The following MROH9 variants were observed in gnomAD, a reference collection of about 807,000 sequenced individuals.
MROH9 encodes maestro heat like repeat family member 9.
MROH9 carries 92 observed loss-of-function variants against 98.2 expected under a neutral mutation model. The ratio of observed to expected loss-of-function variants is 0.94; its 90% CI spans 0.79 to 1.11. The LOEUF is 1.11. Ranked by LOEUF, MROH9 falls within the 50% of genes most tolerant of loss-of-function variation. MROH9 has a pLI of 0.00. For synonymous variants in MROH9, 397 were observed against 368.9 expected, an observed-to-expected ratio of 1.08 and a Z score of -0.87; for missense variants, 1,057 against 1,014.8, an observed-to-expected ratio of 1.04 and a Z score of -0.57.
chr1:170,937,688 A>C (rs140114773), intron 1 of MROH9, among the ~76,000 whole-genome samples: 14 of 150,602 alleles, frequency 9.3e-5, no homozygotes, highest in African/African-American at 3.4e-4. Flanking sequence ...CGCCCGGCTA[A>C]TTTTTTTTGT....
chr1:171,032,646 G>C (rs918382215), intron 20 of MROH9, among the ~76,000 whole-genome samples: 2 of 152,160 alleles, frequency 1.3e-5, no homozygotes, highest in African/African-American at 4.8e-5. Flanking sequence ...ATGGGTGCCT[G>C]CTCCTTCCTC....
intron 1 of MROH9, among the ~76,000 whole-genome samples, chr1:170,941,255 C>T (rs1166823729): frequency 6.6e-6 from 1 of 152,116 alleles, no homozygotes; most frequent in Non-Finnish European, 1.5e-5. Context: ...CCCTTTGTGG[C>T]AGACTGGAAG....
chr1:170,959,999 A>C (rs1348367704), intron 5 of MROH9, among the ~76,000 whole-genome samples: 1 of 152,190 alleles, frequency 6.6e-6, no homozygotes, highest in Non-Finnish European at 1.5e-5. Context: ...CTAGAGAAGA[A>C]ATTCATGGCA....
intron 20 of MROH9, among the ~76,000 whole-genome samples, chr1:171,040,284 A>G (rs1240792844): frequency 6.6e-6 from 1 of 152,160 alleles, no homozygotes; most frequent in Non-Finnish European, 1.5e-5. Flanking sequence ...AGATAAATCT[A>G]GAGAGCTAAT....
At chr1:170,950,056 T>C (rs1382805940) in intron 3 of MROH9, among the ~76,000 whole-genome samples, 1 of 152,060 alleles carries the variant, frequency 6.6e-6, no homozygotes, top group East Asian at 1.9e-4. Context: ...GGGTAAGTAC[T>C]ACCTTGAAAA....
At chr1:170,945,775 T>C (rs372855101) in intron 2 of MROH9, among the ~76,000 whole-genome samples, 194 bp downstream of exon 2, 12 of 152,048 alleles carry the variant, frequency 7.9e-5, no homozygotes, top group African/African-American at 2.2e-4. Flanking sequence ...TCTGTATAAA[T>C]TCCAGAAAGT....
At chr1:170,971,092 C>T (rs1019168052) in intron 7 of MROH9, among the ~76,000 whole-genome samples, 4 of 152,154 alleles carry the variant, frequency 2.6e-5, no homozygotes, top group African/African-American at 9.7e-5. Flanking sequence ...TTTTCTCTCT[C>T]TACTCCCTTC....
intron 20 of MROH9, among the ~76,000 whole-genome samples, chr1:171,049,114 A>AG: frequency 6.6e-6 from 1 of 152,090 alleles, no homozygotes; most frequent in South Asian, 2.1e-4. Context: ...GTCTGGGGTT[A>AG]GGGGAGGACT....
At chr1:171,004,624 G>T (rs1385772835) in intron 15 of MROH9, among the ~76,000 whole-genome samples, 1 of 152,150 alleles carries the variant, frequency 6.6e-6, no homozygotes, top group African/African-American at 2.4e-5. Context: ...GGGTCCTGCA[G>T]GAGCTTCCAC....
chr1:171,048,558 G>T (rs891550760), intron 20 of MROH9, among the ~76,000 whole-genome samples: 1 of 152,048 alleles, frequency 6.6e-6, no homozygotes, highest in African/African-American at 2.4e-5. Context: ...CTTCCCCTTG[G>T]CCCAAGGCAG....
At position 171,024,728 on chromosome 1, in the gene MROH9, G is replaced by A. The variant is rs1303940544; in HGVS notation, c.2141G>A (p.Ser714Asn). Residue 714 changes from serine to asparagine, a missense_variant, in exon 19 of 22, where the codon AGT (serine) becomes AAT (asparagine). Physicochemically the swap from Ser to Asn is conservative, Grantham distance 46. Transcript: ENST00000367759. ...CGTTTGCTCAAAGATGAAAATTACA[G>A]TTTTGAGATGGTGGTGCTCAATATC... ...TSRLLKDENYSFEMVVLNICN... is the reference protein window; with the variant it reads ...TSRLLKDENYNFEMVVLNICN... The A allele has an allele frequency of 4.5e-6, 7 of 1,550,428 alleles. No individual in the cohort carries two copies. The East Asian group carries it at 1.7e-4, about 38-fold the overall frequency.
At chr1:170,963,132 C>T (rs371108551) in intron 6 of MROH9, among the ~76,000 whole-genome samples, 61 of 141,088 alleles carry the variant, frequency 4.3e-4, no homozygotes, top group African/African-American at 1.5e-3. Context: ...CTTAAGTTTA[C>T]AAGAAAAAAA....
intron 5 of MROH9, among the ~76,000 whole-genome samples, chr1:170,960,335 T>TA (rs1649971613): frequency 6.6e-6 from 1 of 152,212 alleles, no homozygotes; most frequent in South Asian, 2.1e-4. Flanking sequence ...TTTTACTTTT[T>TA]ACTGGTGAAG....
At chr1:171,026,905 T>C (rs1246070462) in intron 20 of MROH9, among the ~76,000 whole-genome samples, 2 of 151,724 alleles carry the variant, frequency 1.3e-5, no homozygotes, top group Non-Finnish European at 2.9e-5. Context: ...ATATGAAAAA[T>C]AAGCTTTCGA....
At chr1:171,024,086 T>A (rs911547823) in intron 17 of MROH9, among the ~76,000 whole-genome samples, 2 of 152,176 alleles carry the variant, frequency 1.3e-5, no homozygotes, top group African/African-American at 4.8e-5. Flanking sequence ...GATTTTATTC[T>A]TTTTTAAGGC....
chr1:171,002,410 G>A (rs201226544), intron 15 of MROH9, among the ~76,000 whole-genome samples: 1 of 152,014 alleles, frequency 6.6e-6, no homozygotes, highest in South Asian at 2.1e-4. Context: ...TTGTTTCAAG[G>A]TTTAGAGCTC....
intron 1 of MROH9, among the ~76,000 whole-genome samples, chr1:170,944,888 G>A (rs1430320381): frequency 6.6e-6 from 1 of 152,016 alleles, no homozygotes; most frequent in African/African-American, 2.4e-5. Context: ...TGAATATGAT[G>A]TATGATGGGA....
At chr1:170,967,881 G>T (rs552379463) in intron 7 of MROH9, among the ~76,000 whole-genome samples, 1 of 152,158 alleles carries the variant, frequency 6.6e-6, no homozygotes, top group East Asian at 1.9e-4. Context: ...TTTAAAAATG[G>T]ATGGTGGGTT....
intron 20 of MROH9, among the ~76,000 whole-genome samples, chr1:171,058,693 C>T (rs1034871926): frequency 1.3e-4 from 20 of 152,170 alleles, no homozygotes; most frequent in African/African-American, 4.8e-4. Context: ...TAACACTACA[C>T]ATCTACAACC....
Sources: gnomAD v4.1 joint callset for allele counts (sites outside exome capture counted in the v4.1 genomes callset) on GRCh38, gnomAD v4.1.1 for gene constraint, MANE v1.5 for transcripts, NCBI Gene and HGNC (gene_info 2026-07-23, HGNC 2026-07-21) for gene names.